HERC3: variants seen among roughly 807,000 people sequenced by gnomAD.
HERC3 encodes the protein probable E3 ubiquitin-protein ligase HERC3.
Under a neutral mutation model 129.9 loss-of-function variants are expected in HERC3, and 58 were observed. The observed-to-expected ratio is 0.45, with a 90% CI of 0.36 to 0.56. The LOEUF is 0.56. Ranked by LOEUF, HERC3 falls within the 20% of genes least tolerant of loss-of-function variation. The pLI is 0.00. For synonymous variants in HERC3, 430 were observed against 451.0 expected, an observed-to-expected ratio of 0.95 and a Z score of 0.59; for missense variants, 835 against 1,244.2, an observed-to-expected ratio of 0.67 and a Z score of 4.95.
intron 12 of HERC3, among the ~76,000 whole-genome samples, chr4:88,665,603 AC>A (rs1314364741): frequency 6.6e-6 from 1 of 152,136 alleles, no homozygotes; most frequent in African/African-American, 2.4e-5. Context: ...CAGAAAACTG[AC>A]CCAGACATAC....
chr4:88,549,601 A>G, the HERC3 span, among the ~76,000 whole-genome samples: 2 of 152,142 alleles, frequency 1.3e-5, no homozygotes, highest in Admixed American at 1.3e-4. Context: ...CACTTACGAT[A>G]ATGGCCTCCA....
the HERC3 span, among the ~76,000 whole-genome samples, chr4:88,575,534 C>T: frequency 6.6e-6 from 1 of 152,208 alleles, no homozygotes; most frequent in Non-Finnish European, 1.5e-5. Flanking sequence ...AATTTAAGAG[C>T]TTCAGCAATA....
At chr4:88,609,112 C>G (rs78051450) in intron 3 of HERC3, among the ~76,000 whole-genome samples, 1 of 89,748 alleles carries the variant, frequency 1.1e-5, no homozygotes. Context: ...CATACAGATG[C>G]AAAAAAAAAA....
At chr4:88,565,466 G>A in the HERC3 span, among the ~76,000 whole-genome samples, 4 of 151,978 alleles carry the variant, frequency 2.6e-5, no homozygotes, top group Admixed American at 6.6e-5. Context: ...TTGCTGAATT[G>A]ACCCCTTTAT....
At chr4:88,554,930 CAT>C in the HERC3 span, among the ~76,000 whole-genome samples, 3 of 152,120 alleles carry the variant, frequency 2.0e-5, no homozygotes, top group Non-Finnish European at 4.4e-5. Context: ...GAGAGTCAAA[CAT>C]AGGATTACAT....
At chr4:88,571,599 A>G in the HERC3 span, among the ~76,000 whole-genome samples, 9 of 152,176 alleles carry the variant, frequency 5.9e-5, no homozygotes, top group Non-Finnish European at 1.3e-4. Flanking sequence ...GTCTTTACAC[A>G]TGCATGTGTT....
At chr4:88,579,230 A>AT in the HERC3 span, among the ~76,000 whole-genome samples, 168 of 98,686 alleles carry the variant, frequency 1.7e-3, no homozygotes, top group African/African-American at 7.6e-3. Flanking sequence ...AAAAAAAAAA[A>AT]AAATATATAT....
the HERC3 span, among the ~76,000 whole-genome samples, chr4:88,577,607 A>T: frequency 6.7e-6 from 1 of 149,012 alleles, no homozygotes; most frequent in Non-Finnish European, 1.5e-5. Context: ...ATGTGTGTGT[A>T]TATATATATA....
intron 3 of HERC3, among the ~76,000 whole-genome samples, chr4:88,608,631 C>A (rs1723935555): frequency 6.6e-6 from 1 of 152,174 alleles, no homozygotes; most frequent in Non-Finnish European, 1.5e-5. Context: ...AGAAGATTGA[C>A]TTTTTCAAAT....
intron 2 of HERC3, among the ~76,000 whole-genome samples, chr4:88,604,040 T>C (rs1723332307): frequency 6.6e-6 from 1 of 151,948 alleles, no homozygotes; most frequent in African/African-American, 2.4e-5. Flanking sequence ...TTTTTTTTGA[T>C]ACTGAATTTT....
rs894053893 is a variant in HERC3, at chr4:88,670,610, TAAG to T, written c.1911+361_1911+363del. 1.6e-4 allele frequency among the ~76,000 whole-genome samples: 24 copies of T among 152,248 alleles called. 5 individuals are homozygous for T. Among genetic ancestry groups the T allele is most frequent in the Admixed American group, 1.6e-3 (24 of 15,292 alleles). On this transcript the variant is annotated intron_variant, in intron 16 of 25. Coordinates refer to ENST00000402738, the MANE Select transcript of HERC3 (RefSeq NM_014606.3). Reference sequence around the variant, plus strand: ...TGAGTATAGCTTCAGTTTTGCAAGATAAGAAAGTTTGGAGATCCAATTGTACAC... The same window carrying T: ...TGAGTATAGCTTCAGTTTTGCAAGATAAAGTTTGGAGATCCAATTGTACAC...
At chr4:88,631,252 C>A (rs1008070063) in intron 3 of HERC3, among the ~76,000 whole-genome samples, 1 of 151,944 alleles carries the variant, frequency 6.6e-6, no homozygotes, top group South Asian at 2.1e-4. Flanking sequence ...GTCAGGAGTT[C>A]GAGACCAGCC....
intron 21 of HERC3, among the ~76,000 whole-genome samples, chr4:88,685,998 CTT>C (rs1220988542): frequency 6.6e-6 from 1 of 152,116 alleles, no homozygotes; most frequent in Non-Finnish European, 1.5e-5. Context: ...TGAAATCAAT[CTT>C]TTAAAATTAT....
intron 3 of HERC3, among the ~76,000 whole-genome samples, chr4:88,646,134 A>C (rs1728663711): frequency 6.6e-6 from 1 of 152,120 alleles, no homozygotes; most frequent in Non-Finnish European, 1.5e-5. Context: ...GCCAAATTAC[A>C]TCCTCTTTCT....
chr4:88,669,122 A>AATACCC (rs1308430270), intron 14 of HERC3, among the ~76,000 whole-genome samples: 4 of 152,208 alleles, frequency 2.6e-5, no homozygotes, highest in African/African-American at 4.8e-5. Context: ...TATTTAAAAG[A>AATACCC]ATACCCCAAA....
the HERC3 span, among the ~76,000 whole-genome samples, chr4:88,584,503 T>A: frequency 2.6e-5 from 4 of 152,190 alleles, no homozygotes; most frequent in Non-Finnish European, 5.9e-5. Flanking sequence ...CCAAAGCTCA[T>A]GTTGAAATTA....
At chr4:88,638,080 G>A (rs545113330) in intron 3 of HERC3, among the ~76,000 whole-genome samples, 1 of 152,318 alleles carries the variant, frequency 6.6e-6, no homozygotes, top group African/African-American at 2.4e-5. Context: ...AACCAGTTAT[G>A]AAATTGAGTC....
chr4:88,534,573 T>C, the HERC3 span, among the ~76,000 whole-genome samples: 3 of 152,080 alleles, frequency 2.0e-5, no homozygotes, highest in Non-Finnish European at 2.9e-5. Flanking sequence ...ACTGCAAGGC[T>C]TTTTTTCCCC....
intron 4 of HERC3, 77 bp downstream of exon 4, chr4:88,650,076 C>T: frequency 1.4e-6 from 2 of 1,407,928 alleles, no homozygotes; most frequent in Non-Finnish European, 2.0e-6. Context: ...TGTTTTTCTT[C>T]TGTTTTCTTC....
Sources: allele counts gnomAD v4.1 joint callset (sites outside exome capture counted in the v4.1 genomes callset), GRCh38; gene constraint gnomAD v4.1.1; transcripts MANE v1.5; gene names NCBI Gene and HGNC (gene_info 2026-07-23, HGNC 2026-07-21).